The following SENP2 variants were observed in gnomAD, a reference collection of about 807,000 sequenced individuals.
SENP2 encodes the protein SUMO specific peptidase 2, also known as sentrin-specific protease 2.
Under a neutral mutation model 86.3 loss-of-function variants are expected in SENP2, and 16 were observed. The observed-to-expected ratio is 0.19, with a 90% CI of 0.13 to 0.28. SENP2 has a LOEUF of 0.28. Ranked by LOEUF, SENP2 falls within the 10% of genes least tolerant of loss-of-function variation. The pLI is 1.00. For synonymous variants in SENP2, 222 were observed against 238.7 expected (o/e 0.93, Z 0.64); for missense variants, 552 against 703.0 (o/e 0.79, Z 2.43).
intron 8 of SENP2, 175 bp from the exon 9 acceptor site, chr3:185,612,432 G>A (rs1577733425): frequency 1.8e-6 from 1 of 540,854 alleles, no homozygotes; most frequent in East Asian, 2.9e-5. Flanking sequence ...GCAAAGATAT[G>A]TATGCATTTT....
At chr3:185,603,204 G>A (rs1004313766) in intron 5 of SENP2, among the ~76,000 whole-genome samples, 3 of 152,034 alleles carry the variant, frequency 2.0e-5, no homozygotes, top group African/African-American at 4.8e-5. Flanking sequence ...GAGCCACCAC[G>A]CCCAGCCCAC....
intron 2 of SENP2, among the ~76,000 whole-genome samples, chr3:185,597,924 G>T (rs935897950): frequency 5.9e-5 from 9 of 152,206 alleles, no homozygotes; most frequent in Non-Finnish European, 1.0e-4. Flanking sequence ...AAAGTGCTGG[G>T]ATTACAGGCG....
chr3:185,589,456 C>T (rs577270155), intron 1 of SENP2, among the ~76,000 whole-genome samples: 47 of 152,028 alleles, frequency 3.1e-4, no homozygotes, highest in South Asian at 4.1e-4. Context: ...ATTTCTGGAG[C>T]GAAAGAGAAA....
At chr3:185,600,098 A>G (rs1168188317) in intron 4 of SENP2, among the ~76,000 whole-genome samples, 1 of 152,220 alleles carries the variant, frequency 6.6e-6, no homozygotes, top group Non-Finnish European at 1.5e-5. Flanking sequence ...CGCCCAGCCC[A>G]AAGATGATAT....
rs79328132 is a variant in SENP2, at chr3:185,607,877, T to G, written c.619-1370T>G. ...AGTAACTGTGACTAAGGAAGGGAAGTAAATGGTGTGCATCTCTGCTTTTTC... is the reference window on the plus strand; with the variant it reads ...AGTAACTGTGACTAAGGAAGGGAAGGAAATGGTGTGCATCTCTGCTTTTTC... On this transcript the variant is annotated intron_variant, in intron 6 of 16. Transcript: ENST00000296257. Among the ~76,000 whole-genome samples, 188 of 152,342 alleles carry G rather than the reference T, an allele frequency of 1.2e-3. 4 individuals are homozygous for G. In the East Asian group the frequency reaches 0.034, roughly 28 times the overall value.
intron 16 of SENP2, among the ~76,000 whole-genome samples, chr3:185,628,742 G>T (rs1432662307): frequency 1.3e-5 from 2 of 152,126 alleles, no homozygotes; most frequent in Non-Finnish European, 2.9e-5. Flanking sequence ...CTGGCCTCAG[G>T]TGATATGCCC....
At chr3:185,592,005 A>ATTTTTTT (rs1491210718) in intron 2 of SENP2, among the ~76,000 whole-genome samples, 3 of 28,018 alleles carry the variant, frequency 1.1e-4, no homozygotes, top group East Asian at 5.8e-3. Context: ...AGAACCGGTA[A>ATTTTTTT]TATTTCTTTT....
At chr3:185,624,698 A>G (rs1290627099) in intron 15 of SENP2, among the ~76,000 whole-genome samples, 2 of 151,946 alleles carry the variant, frequency 1.3e-5, no homozygotes, top group African/African-American at 2.4e-5. Context: ...CAACATGACA[A>G]AACCTTGTCA....
intron 2 of SENP2, among the ~76,000 whole-genome samples, chr3:185,590,550 A>G (rs1300021477): frequency 1.4e-5 from 2 of 144,152 alleles, no homozygotes; most frequent in Non-Finnish European, 3.1e-5. Flanking sequence ...CTGTGTCAGG[A>G]AAAAAAAAAA....
intron 11 of SENP2, 100 bp downstream of exon 11, chr3:185,614,840 G>A (rs1711544031): frequency 8.9e-7 from 1 of 1,125,674 alleles, no homozygotes; most frequent in Admixed American, 2.5e-5. Context: ...TCCAGGCTAG[G>A]GGTGAATATA....
intron 16 of SENP2, among the ~76,000 whole-genome samples, chr3:185,628,036 C>T (rs570686408): frequency 2.6e-5 from 4 of 152,304 alleles, no homozygotes; most frequent in Middle Eastern, 3.4e-3. Flanking sequence ...AGCAAATGTG[C>T]AGTTTTTACT....
intron 15 of SENP2, among the ~76,000 whole-genome samples, chr3:185,625,549 A>G (rs527852016): frequency 2.0e-5 from 3 of 152,280 alleles, no homozygotes; most frequent in African/African-American, 7.2e-5. Context: ...TGCCAAGATT[A>G]GGGCAACACA....
intron 5 of SENP2, among the ~76,000 whole-genome samples, chr3:185,604,129 A>G (rs1467093809): frequency 6.6e-6 from 1 of 152,130 alleles, no homozygotes; most frequent in East Asian, 1.9e-4. Context: ...TCAAAAAAAT[A>G]AATAAATAAA....
chr3:185,592,007 A>ATTTTTTTTTTTTTTTT (rs1261238822), intron 2 of SENP2, among the ~76,000 whole-genome samples: 9 of 35,082 alleles, frequency 2.6e-4, no homozygotes, highest in South Asian at 8.1e-4. Flanking sequence ...AACCGGTAAT[A>ATTTTTTTTTTTTTTTT]TTTCTTTTTT....
chr3:185,611,825 C>T, intron 8 of SENP2, 80 bp downstream of exon 8: 1 of 1,027,964 alleles, frequency 9.7e-7, no homozygotes, highest in Non-Finnish European at 1.5e-6. Context: ...AGAAAATTGA[C>T]ATTCAAGTGT....
intron 11 of SENP2, 128 bp from the exon 12 acceptor site, chr3:185,617,352 T>C (rs768542369): frequency 6.3e-6 from 4 of 634,536 alleles, no homozygotes; most frequent in Admixed American, 3.4e-5. Context: ...AGTAGGTCTT[T>C]GATAGTATAT....
chr3:185,626,288 G>A lies in SENP2; in HGVS notation c.1612-10G>A. ...CCCTTTCCTCTCTTCTTTTTTCTTT[G>A]TAATTTTAGGAGATTCCTCAACAGC... On this transcript the variant is annotated splice_polypyrimidine_tract_variant and intron_variant, in intron 15 of 16. Coordinates refer to ENST00000296257, the MANE Select transcript of SENP2 (RefSeq NM_021627.3). 1 of 1,573,466 alleles carries A rather than the reference G, an allele frequency of 6.4e-7. No individual in the cohort carries two copies. The highest frequency in any genetic ancestry group is 8.7e-7 in the Non-Finnish European group (1 of 1,152,206).
At chr3:185,587,798 G>C (rs1263646779) in intron 1 of SENP2, among the ~76,000 whole-genome samples, 1 of 143,476 alleles carries the variant, frequency 7.0e-6, no homozygotes, top group Non-Finnish European at 1.5e-5. Flanking sequence ...GCGGTGGCAC[G>C]ATCTCAGCTC....
At chr3:185,607,007 G>A (rs1402603065) in intron 6 of SENP2, 4 of 252,588 alleles carry the variant, frequency 1.6e-5, no homozygotes, top group Non-Finnish European at 3.2e-5. Flanking sequence ...TTGAGACAGA[G>A]TGAGACTCTT....
Sources: gnomAD v4.1 joint callset for allele counts (sites outside exome capture counted in the v4.1 genomes callset) on GRCh38, gnomAD v4.1.1 for gene constraint, MANE v1.5 for transcripts, NCBI Gene and HGNC (gene_info 2026-07-23, HGNC 2026-07-21) for gene names.